The following RXFP1 variants were observed in gnomAD, a reference collection of about 807,000 sequenced individuals.
RXFP1 encodes the protein relaxin receptor 1.
RXFP1 carries 73 observed loss-of-function variants against 89.8 expected under a neutral mutation model. That is an observed-to-expected ratio of 0.81 (90% CI 0.67 to 0.99). The LOEUF (loss-of-function observed/expected upper bound fraction) is 0.99. RXFP1 is among the 50% of genes least tolerant of loss of function. The probability of loss-of-function intolerance (pLI) is 0.00; values close to 1 mark genes in which losing one functional copy is unlikely to be tolerated. For missense variants in RXFP1, 793 were observed against 895.5 expected (o/e 0.89, Z 1.46); for synonymous variants, 277 against 305.5 (o/e 0.91, Z 0.97).
intron 8 of RXFP1, among the ~76,000 whole-genome samples, chr4:158,615,991 A>G (rs1764489545): frequency 1.3e-5 from 2 of 152,182 alleles, no homozygotes; most frequent in South Asian, 4.1e-4. Context: ...AGAATTACCA[A>G]AATATGACAC....
chr4:158,617,914 A>G (rs2150151311), intron 9 of RXFP1, among the ~76,000 whole-genome samples: 1 of 152,266 alleles, frequency 6.6e-6, no homozygotes, highest in South Asian at 2.1e-4. Flanking sequence ...TCAAATTAAA[A>G]GGAAGAGGAA....
At chr4:158,596,416 A>G (rs1489124672) in intron 3 of RXFP1, among the ~76,000 whole-genome samples, 1 of 151,938 alleles carries the variant, frequency 6.6e-6, no homozygotes, top group African/African-American at 2.4e-5. Flanking sequence ...ATGTGCCACC[A>G]CGCCTGGCTA....
Position 158,648,720 on chromosome 4 carries a change from AC to A in RXFP1, c.1975+4del, listed in dbSNP as rs758606584. ...ACTGCTTCAGGTAGAAATACCAGGT[AC>A]AATATTTTTTAATCTCCTTAAAGAA... is the stretch of plus-strand genomic sequence containing the variant. On this transcript the variant is annotated splice_donor_region_variant and intron_variant, in intron 17 of 17. Coordinates refer to ENST00000307765, the MANE Select transcript of RXFP1 (RefSeq NM_021634.4). 2 of 1,532,322 alleles carry A rather than the reference AC, an allele frequency of 1.3e-6. No individual in the cohort carries two copies. The allele number at this position is 1,532,322 out of a possible 1,614,324, so 94.9% of individuals were successfully genotyped here. A position where few individuals can be genotyped will look rare whatever the true frequency, so the allele number is the denominator to read the frequency against.
Position 158,601,129 on chromosome 4 carries a change from T to C in RXFP1, c.392+1698T>C, listed in dbSNP as rs77126293. 6.8e-3 allele frequency among the ~76,000 whole-genome samples: 1,029 copies of C among 151,918 alleles called. 9 individuals carry two copies. Among genetic ancestry groups the C allele is most frequent in the African/African-American group, 0.024 (987 of 41,418 alleles). ...CATTGAATTAATTCCCATTCAATTT[T>C]AAAAATTGTCATGATCTAGTATACA... On this transcript the variant is annotated intron_variant, in intron 4 of 17. Coordinates refer to ENST00000307765, the MANE Select transcript of RXFP1 (RefSeq NM_021634.4).
intron 1 of RXFP1, among the ~76,000 whole-genome samples, chr4:158,557,072 G>A (rs1017890317): frequency 1.9e-4 from 29 of 152,160 alleles, no homozygotes; most frequent in African/African-American, 6.7e-4. Flanking sequence ...CAGAAGAGAG[G>A]CTTTTGAATG....
At chr4:158,630,659 C>T (rs1469322880) in intron 11 of RXFP1, among the ~76,000 whole-genome samples, 1 of 152,078 alleles carries the variant, frequency 6.6e-6, no homozygotes, top group African/African-American at 2.4e-5. Flanking sequence ...CAGAGGGTGA[C>T]CAAGGCCAAT....
chr4:158,542,885 C>A (rs1259811191), intron 1 of RXFP1, among the ~76,000 whole-genome samples: 1 of 152,014 alleles, frequency 6.6e-6, no homozygotes, highest in East Asian at 1.9e-4. Context: ...CAAATAAGAA[C>A]TTAAGAATCT....
Position 158,569,902 on chromosome 4 carries a change from G to A in RXFP1, c.50-2796G>A, listed in dbSNP as rs573884713. Among the ~76,000 whole-genome samples the A allele has an allele frequency of 2.0e-5, 3 of 150,908 alleles. No homozygotes were observed. In the South Asian group the frequency reaches 6.3e-4, roughly 32 times the overall value. On this transcript the variant is annotated intron_variant, in intron 1 of 17. Transcript: ENST00000307765. ...ATTAATTGATTGTTAGTGTAGATGA[G>A]TGTGTCTGGTGCAAAGAGGTTAAAG... is the stretch of plus-strand genomic sequence containing the variant.
intron 14 of RXFP1, among the ~76,000 whole-genome samples, chr4:158,644,041 C>CTTTTTTTTTTTT (rs70962619): frequency 1.3e-5 from 1 of 78,310 alleles, no homozygotes; most frequent in African/African-American, 4.3e-5. Context: ...TCTATGTCTT[C>CTTTTTTTTTTTT]TTTTTTTTTT....
chr4:158,553,043 G>A (rs6851129), intron 1 of RXFP1, among the ~76,000 whole-genome samples: 5,594 of 152,122 alleles, frequency 0.037, 336 homozygotes, highest in African/African-American at 0.13. Flanking sequence ...TTAAAAAATA[G>A]CCATAAGTGG....
chr4:158,551,875 A>G (rs1433727298), intron 1 of RXFP1, among the ~76,000 whole-genome samples: 1 of 151,886 alleles, frequency 6.6e-6, no homozygotes, highest in African/African-American at 2.4e-5. Context: ...CAGGAGGTCA[A>G]GGCTGCAGTG....
chr4:158,649,291 C>T (rs1772166972), intron 17 of RXFP1, among the ~76,000 whole-genome samples: 1 of 152,148 alleles, frequency 6.6e-6, no homozygotes, highest in Non-Finnish European at 1.5e-5. Flanking sequence ...CTAATCATCA[C>T]ATGCTTAAGG....
chr4:158,622,094 T>C (rs906671290), intron 9 of RXFP1, among the ~76,000 whole-genome samples: 5 of 152,218 alleles, frequency 3.3e-5, no homozygotes, highest in Admixed American at 2.0e-4. Flanking sequence ...GTGGATCACT[T>C]GAGGTCAGGA....
intron 2 of RXFP1, among the ~76,000 whole-genome samples, chr4:158,591,585 CAAAAAAA>C (rs556318387): frequency 4.9e-5 from 4 of 82,372 alleles, no homozygotes; most frequent in Admixed American, 1.4e-4. Context: ...CCCATCTCTA[CAAAAAAA>C]AAAAAAAAAA....
chr4:158,593,429 T>C lies in RXFP1; in HGVS notation c.216T>C (p.Phe72=). Residue 72 remains phenylalanine (F), a synonymous_variant, in exon 3 of 18, where the codon TTT becomes TTC. Coordinates refer to ENST00000307765, the MANE Select transcript of RXFP1 (RefSeq NM_021634.4). ...ACAACAATGGATGGTCTCTGCAATT[T>C]GACAAATATTTTGCCAGTTACTACA... The part of the protein sequence containing the change: ...CGDNNGWSLQ[F]DKYFASYYKM... 6.2e-7 allele frequency: 1 copy of C among 1,611,846 alleles called. No homozygotes were observed.
rs952558419 is a variant in RXFP1 at position 158,543,842 on chromosome 4, C to T, written c.49+21817C>T. ...TCGACACAGAAGAAAACCTAAAATC[C>T]AGTAAGACAGAGTGGCATGCCAAAT... On this transcript the variant is annotated intron_variant, in intron 1 of 17. Transcript: ENST00000307765. 6 of 985,100 alleles carry T rather than the reference C, an allele frequency of 6.1e-6. No homozygotes were observed. The African/African-American group carries it at 7.0e-5, about 11-fold the overall frequency. The allele number at this position is 985,100 out of a possible 1,614,324, so 61.0% of individuals were successfully genotyped here.
Position 158,543,611 on chromosome 4 carries a change from A to G in RXFP1, c.49+21586A>G, listed in dbSNP as rs137989118. 2.2e-4 allele frequency: 59 copies of G among 264,610 alleles called. 1 individual carries two copies. The East Asian group carries it at 8.5e-3, about 38-fold the overall frequency. 16.4% of individuals were successfully genotyped at this position (264,610 alleles called of 1,614,324 possible). A position where few individuals can be genotyped will look rare whatever the true frequency, so the allele number is the denominator to read the frequency against. ...AAATAGAGAATCGGTAGCAACCAAC[A>G]GTTTCCCTGAGCCCTCCCAGTCAGT... On this transcript the variant is annotated intron_variant, in intron 1 of 17. Coordinates refer to ENST00000307765, the MANE Select transcript of RXFP1 (RefSeq NM_021634.4).
At chr4:158,601,663 T>C (rs555207939) in intron 4 of RXFP1, among the ~76,000 whole-genome samples, 1 of 152,306 alleles carries the variant, frequency 6.6e-6, no homozygotes, top group Admixed American at 6.5e-5. Context: ...CATTAAAAAG[T>C]AAACATCAAA....
rs530819980 is a variant in RXFP1, at chr4:158,618,807, G to A, written c.755+1602G>A. Among the ~76,000 whole-genome samples the A allele has an allele frequency of 9.5e-4, 144 of 152,022 alleles. 1 individual carries two copies. Among genetic ancestry groups the A allele is most frequent in the Non-Finnish European group, 1.7e-3 (118 of 67,974 alleles). On this transcript the variant is annotated intron_variant, in intron 9 of 17. Transcript: ENST00000307765. ...TAAACTGAAACCTATATTAGTTCTT[G>A]CAAAGCAATGAGAAACTGTAAATGC...
Sources: allele counts gnomAD v4.1 joint callset (sites outside exome capture counted in the v4.1 genomes callset), GRCh38; gene constraint gnomAD v4.1.1; transcripts MANE v1.5; gene names NCBI Gene and HGNC (gene_info 2026-07-23, HGNC 2026-07-21).